Variants in MACROD2 observed in about 807,000 individuals in gnomAD.
MACROD2 encodes mono-ADP ribosylhydrolase 2.
In MACROD2, 36 loss-of-function variants were observed where a neutral mutation model predicts 70.4. The observed-to-expected ratio is 0.51, with a 90% CI of 0.39 to 0.68. The LOEUF (loss-of-function observed/expected upper bound fraction) is 0.68, where lower values mean the gene tolerates loss of function less well. Ranked by LOEUF, MACROD2 falls within the 30% of genes least tolerant of loss-of-function variation. The pLI, the probability that MACROD2 is intolerant of heterozygous loss-of-function variation, is 0.00. For missense variants in MACROD2, 496 were observed against 538.4 expected, an observed-to-expected ratio of 0.92 and a Z score of 0.78; for synonymous variants, 172 against 178.8, an observed-to-expected ratio of 0.96 and a Z score of 0.30.
chr20:14,979,208 C>T (rs946983446), intron 5 of MACROD2, among the ~76,000 whole-genome samples: 4 of 151,632 alleles, frequency 2.6e-5, no homozygotes, highest in African/African-American at 9.7e-5. Context: ...GATCCTCCTA[C>T]CTCGGCCTTC....
chr20:15,381,424 G>C (rs1486454540), intron 6 of MACROD2, among the ~76,000 whole-genome samples: 2 of 151,926 alleles, frequency 1.3e-5, no homozygotes, highest in Non-Finnish European at 2.9e-5. Flanking sequence ...ATCTAGGCCA[G>C]GCACAGTGGC....
chr20:15,629,877 A>G (rs978923434), intron 8 of MACROD2, among the ~76,000 whole-genome samples: 3 of 152,242 alleles, frequency 2.0e-5, no homozygotes, highest in Non-Finnish European at 2.9e-5. Flanking sequence ...CAAAAGAACG[A>G]TGTCTACACA....
At chr20:14,725,491 T>C (rs1211261370) in intron 5 of MACROD2, among the ~76,000 whole-genome samples, 1 of 152,048 alleles carries the variant, frequency 6.6e-6, no homozygotes, top group African/African-American at 2.4e-5. Context: ...AAAAATAGAA[T>C]ATGAAGCCCT....
chr20:15,640,043 GAGA>G (rs1478342324), intron 8 of MACROD2, among the ~76,000 whole-genome samples: 6 of 148,982 alleles, frequency 4.0e-5, no homozygotes, highest in East Asian at 2.0e-4. Flanking sequence ...AAAGGGGTGA[GAGA>G]AGAAGAGAGA....
At chr20:14,017,868 T>G (rs1569117537) in intron 2 of MACROD2, among the ~76,000 whole-genome samples, 1 of 152,172 alleles carries the variant, frequency 6.6e-6, no homozygotes, top group Non-Finnish European at 1.5e-5. Flanking sequence ...AGGATTGGTG[T>G]TAATTCTTCC....
intron 10 of MACROD2, among the ~76,000 whole-genome samples, chr20:15,898,953 T>C (rs1216551528): frequency 1.3e-5 from 2 of 151,984 alleles, no homozygotes; most frequent in African/African-American, 4.8e-5. Flanking sequence ...TATATGTATA[T>C]ATGTATACAC....
chr20:14,184,544 GT>G (rs555650845), intron 3 of MACROD2, among the ~76,000 whole-genome samples: 3 of 151,336 alleles, frequency 2.0e-5, no homozygotes, highest in East Asian at 1.9e-4. Context: ...TTTTAAAATA[GT>G]TTTTTTTCTA....
intron 6 of MACROD2, among the ~76,000 whole-genome samples, chr20:15,324,983 C>T (rs1201801379): frequency 1.3e-5 from 2 of 149,568 alleles, no homozygotes; most frequent in Non-Finnish European, 3.0e-5. Context: ...ATTCATAAGG[C>T]CTCCTTCCAC....
In MACROD2 at chr20:15,285,129, A is replaced by G. The variant is rs148063735; in HGVS notation, c.540+55068A>G. 4.3e-3 allele frequency among the ~76,000 whole-genome samples: 649 copies of G among 152,306 alleles called. 5 individuals are homozygous for G. The highest frequency in any genetic ancestry group is 0.014 in the Middle Eastern group (4 of 294). ...TCAATGTCACACTGGAGTATTAGTT[A>G]ACAGTCCTGCCCAATGATAATTTCA... On this transcript the variant is annotated intron_variant, in intron 6 of 17. Transcript: ENST00000684519.
intron 3 of MACROD2, among the ~76,000 whole-genome samples, chr20:14,415,851 C>G (rs2083798100): frequency 6.6e-6 from 1 of 152,136 alleles, no homozygotes. Context: ...TTAAAATACT[C>G]AAAGTCCAGC....
chr20:14,312,813 G>T (rs527372782), intron 3 of MACROD2, among the ~76,000 whole-genome samples: 3 of 152,340 alleles, frequency 2.0e-5, no homozygotes, highest in East Asian at 3.9e-4. Context: ...GCCCAGAGTT[G>T]CCCTGCTAGT....
At chr20:14,477,695 G>A (rs928776038) in intron 3 of MACROD2, among the ~76,000 whole-genome samples, 5 of 151,820 alleles carry the variant, frequency 3.3e-5, no homozygotes, top group East Asian at 3.9e-4. Context: ...CATCATTATC[G>A]TTAATATTTT....
intron 5 of MACROD2, among the ~76,000 whole-genome samples, chr20:15,160,185 C>G (rs425414): frequency 0.88 from 134,028 of 151,900 alleles, 59,290 homozygotes; most frequent in East Asian, 1. Context: ...GGGACGGTGA[C>G]GATAAGGAGG....
At chr20:15,457,097 T>C (rs1233718317) in intron 7 of MACROD2, among the ~76,000 whole-genome samples, 1 of 150,590 alleles carries the variant, frequency 6.6e-6, no homozygotes, top group African/African-American at 2.4e-5. Flanking sequence ...ATTTGACTTT[T>C]GAATATCCCT....
chr20:15,926,011 C>G (rs1162473948), intron 10 of MACROD2, among the ~76,000 whole-genome samples: 1 of 152,194 alleles, frequency 6.6e-6, no homozygotes, highest in Non-Finnish European at 1.5e-5. Flanking sequence ...CCCAAACTGG[C>G]TACACATGCT....
intron 6 of MACROD2, among the ~76,000 whole-genome samples, chr20:15,237,698 G>A (rs968747443): frequency 6.6e-6 from 1 of 152,130 alleles, no homozygotes; most frequent in African/African-American, 2.4e-5. Flanking sequence ...TGGCAGTGTG[G>A]ACAAGTGGGG....
At chr20:14,348,839 A>G (rs2083090935) in intron 3 of MACROD2, among the ~76,000 whole-genome samples, 1 of 152,136 alleles carries the variant, frequency 6.6e-6, no homozygotes, top group Non-Finnish European at 1.5e-5. Flanking sequence ...AGGCTGAGGC[A>G]GGCAGATCAC....
intron 5 of MACROD2, among the ~76,000 whole-genome samples, chr20:15,220,957 G>A (rs1163474679): frequency 6.6e-6 from 1 of 152,126 alleles, no homozygotes; most frequent in East Asian, 1.9e-4. Flanking sequence ...TTGTCCAGGC[G>A]TGTGGTGGCA....
intron 3 of MACROD2, among the ~76,000 whole-genome samples, chr20:14,413,912 C>T (rs201213835): frequency 9.2e-5 from 9 of 97,442 alleles, no homozygotes; most frequent in Admixed American, 2.3e-4. Context: ...TACCTTTGTT[C>T]CTCCAAAATA....
Sources: gnomAD v4.1 joint callset for allele counts (sites outside exome capture counted in the v4.1 genomes callset) on GRCh38, gnomAD v4.1.1 for gene constraint, MANE v1.5 for transcripts, NCBI Gene and HGNC (gene_info 2026-07-23, HGNC 2026-07-21) for gene names.